Variants in VWA2 observed in about 807,000 individuals in gnomAD.
VWA2 encodes the protein von Willebrand factor A domain containing 2.
In VWA2, 73 loss-of-function variants were observed where a neutral mutation model predicts 70.4. The ratio of observed to expected loss-of-function variants is 1.04; its 90% CI spans 0.86 to 1.26. The LOEUF is 1.26. VWA2 is among the 50% of genes most tolerant of loss of function. The pLI is 0.00. For missense variants in VWA2, 1,011 were observed against 998.5 expected, an observed-to-expected ratio of 1.01 and a Z score of -0.17; for synonymous variants, 407 against 423.3, an observed-to-expected ratio of 0.96 and a Z score of 0.47.
Position 114,251,151 on chromosome 10 carries a change from C to T in VWA2, c.52+2386C>T, listed in dbSNP as rs534992478. ...CTAGATTAGTGATTCTCAACTCTGC[C>T]TGCGCAATAGCGTCACCCATCCTGC... On this transcript the variant is annotated intron_variant, in intron 2 of 13. Coordinates refer to ENST00000392982, the MANE Select transcript of VWA2 (RefSeq NM_001272046.2). 2.0e-5 allele frequency among the ~76,000 whole-genome samples: 3 copies of T among 152,352 alleles called. No homozygotes were observed. The South Asian group carries it at 6.2e-4, about 32-fold the overall frequency.
At chr10:114,290,891 CAGATT>C (rs1379651152) in intron 13 of VWA2, among the ~76,000 whole-genome samples, 1 of 152,130 alleles carries the variant, frequency 6.6e-6, no homozygotes, top group African/African-American at 2.4e-5. Context: ...TCAAGGGTAA[CAGATT>C]AGGACCTAGA....
intron 5 of VWA2, among the ~76,000 whole-genome samples, chr10:114,268,952 T>A (rs1316193662): frequency 6.6e-6 from 1 of 151,832 alleles, no homozygotes; most frequent in Non-Finnish European, 1.5e-5. Context: ...GCCTCGGCCT[T>A]CCAAAGTGCT....
At chr10:114,240,926 T>C (rs1299179478) in intron 1 of VWA2, among the ~76,000 whole-genome samples, 1 of 152,166 alleles carries the variant, frequency 6.6e-6, no homozygotes, top group Non-Finnish European at 1.5e-5. Flanking sequence ...AAACCATCAG[T>C]GTATTTTCAT....
rs148110260 is a variant in VWA2, at chr10:114,268,746, G to A, written c.372-3994G>A. Among the ~76,000 whole-genome samples the A allele has an allele frequency of 6.4e-3, 956 of 149,910 alleles. 9 individuals carry two copies. Among genetic ancestry groups the A allele is most frequent in the African/African-American group, 0.022 (875 of 40,676 alleles). The stretch of plus-strand genomic sequence containing the variant: ...GTCTCGCTCTGTCGCTGAGGCTGGA[G>A]TGCAGTGGCGCGATCTTGGCTCACT... On this transcript the variant is annotated intron_variant, in intron 5 of 13. Coordinates refer to ENST00000392982, the MANE Select transcript of VWA2 (RefSeq NM_001272046.2).
chr10:114,283,211 T>C (rs1023255452), intron 9 of VWA2, among the ~76,000 whole-genome samples: 2 of 152,084 alleles, frequency 1.3e-5, no homozygotes, highest in South Asian at 4.1e-4. Flanking sequence ...TTACTCCCGA[T>C]GAGTAGCCTG....
chr10:114,290,261 T>C lies in VWA2; in HGVS notation c.2144T>C (p.Leu715Pro). The C allele has an allele frequency of 6.4e-7, 1 of 1,550,522 alleles. No individual in the cohort carries two copies. Among genetic ancestry groups the C allele is most frequent in the Non-Finnish European group, 8.7e-7 (1 of 1,146,952 alleles). ...LCGEAKQPVN[L>P]CKPSPCMNEG... The stretch of plus-strand genomic sequence containing the variant: ...GTAGAAGCCAAGCAGCCAGTCAACC[T>C]CTGCAAACCCAGCCCGTGCATGAAT... Residue 715 changes from leucine (L) to proline (P), a missense_variant, in exon 13 of 14, where the codon CTC (leucine) becomes CCC (proline). Physicochemically the swap from Leu to Pro is moderately conservative, Grantham distance 98. Transcript: ENST00000392982.
At chr10:114,276,163 C>T (rs1223503406) in intron 6 of VWA2, among the ~76,000 whole-genome samples, 1 of 152,174 alleles carries the variant, frequency 6.6e-6, no homozygotes, top group Non-Finnish European at 1.5e-5. Flanking sequence ...GAAGCCATTC[C>T]TTGGGAGGGG....
At chr10:114,241,243 G>T (rs757023495) in intron 1 of VWA2, among the ~76,000 whole-genome samples, 21 of 152,204 alleles carry the variant, frequency 1.4e-4, no homozygotes, top group Non-Finnish European at 2.2e-4. Context: ...AAAGTTCACA[G>T]TTTGCCCTGG....
Position 114,294,336 on chromosome 10 carries a change from A to AT in VWA2, c.*3106dup, listed in dbSNP as rs1161855410. ...ACTTTTACACTGATATATTCATAGTATTTTTTTATAATTTGAAAAATCTTG... is the reference window on the plus strand; with the variant it reads ...ACTTTTACACTGATATATTCATAGTATTTTTTTTATAATTTGAAAAATCTTG... On this transcript the variant is annotated 3_prime_UTR_variant, in exon 14 of 14. Coordinates refer to ENST00000392982, the MANE Select transcript of VWA2 (RefSeq NM_001272046.2). 2.0e-5 allele frequency among the ~76,000 whole-genome samples: 3 copies of AT among 152,138 alleles called. No individual in the cohort carries two copies. Among genetic ancestry groups the AT allele is most frequent in the African/African-American group, 7.2e-5 (3 of 41,438 alleles).
intron 6 of VWA2, among the ~76,000 whole-genome samples, chr10:114,273,655 C>G (rs2037759442): frequency 6.6e-6 from 1 of 152,172 alleles, no homozygotes; most frequent in African/African-American, 2.4e-5. Flanking sequence ...TGAAATGACT[C>G]TGGTCTGGGC....
chr10:114,249,604 C>T (rs1183958696), intron 2 of VWA2, among the ~76,000 whole-genome samples: 1 of 152,078 alleles, frequency 6.6e-6, no homozygotes, highest in Non-Finnish European at 1.5e-5. Flanking sequence ...GTTTTCTGTT[C>T]CGGCATTAGT....
At chr10:114,289,614 A>AG in intron 12 of VWA2, 125 bp downstream of exon 12, 1 of 1,095,274 alleles carries the variant, frequency 9.1e-7, no homozygotes. Context: ...CCCAAGTGCC[A>AG]GGTTCTGTGC....
chr10:114,272,472 C>T (rs894583625), intron 5 of VWA2, among the ~76,000 whole-genome samples: 5 of 152,202 alleles, frequency 3.3e-5, no homozygotes, highest in East Asian at 1.9e-4. Flanking sequence ...AGTCATCACT[C>T]GGGGAGGAGA....
intron 12 of VWA2, chr10:114,289,760 C>T (rs945680589): frequency 5.9e-6 from 3 of 511,158 alleles, no homozygotes; most frequent in Non-Finnish European, 1.1e-5. Context: ...ACAGAACACA[C>T]TTTTAGAATA....
chr10:114,270,415 G>C (rs2037682594), intron 5 of VWA2, among the ~76,000 whole-genome samples: 2 of 152,320 alleles, frequency 1.3e-5, no homozygotes, highest in South Asian at 4.1e-4. Context: ...GTTGAGCACA[G>C]CGTCTGGCAC....
intron 11 of VWA2, among the ~76,000 whole-genome samples, chr10:114,287,176 G>A (rs1412710605): frequency 6.6e-6 from 1 of 152,160 alleles, no homozygotes; most frequent in African/African-American, 2.4e-5. Flanking sequence ...TGTAGTAGCT[G>A]AAACACGTCT....
At chr10:114,248,515 C>T (rs978249126) in intron 1 of VWA2, among the ~76,000 whole-genome samples, 189 bp from the exon 2 acceptor site, 27 of 152,090 alleles carry the variant, frequency 1.8e-4, no homozygotes, top group Non-Finnish European at 7.3e-5. Context: ...GTGTCTAAAA[C>T]CAAAGTAATT....
At chr10:114,288,467 C>T (rs1438138016) in intron 11 of VWA2, among the ~76,000 whole-genome samples, 1 of 152,174 alleles carries the variant, frequency 6.6e-6, no homozygotes, top group African/African-American at 2.4e-5. Flanking sequence ...AAAGGGTTGC[C>T]CACAAACCCA....
intron 1 of VWA2, among the ~76,000 whole-genome samples, chr10:114,244,547 C>T (rs760207816): frequency 2.0e-5 from 3 of 152,150 alleles, no homozygotes; most frequent in Non-Finnish European, 4.4e-5. Context: ...ACATGAAGGG[C>T]GGAGCCTGTG....
Sources: allele counts gnomAD v4.1 joint callset (sites outside exome capture counted in the v4.1 genomes callset), GRCh38; gene constraint gnomAD v4.1.1; transcripts MANE v1.5; gene names NCBI Gene and HGNC (gene_info 2026-07-23, HGNC 2026-07-21).